SH2D4B: variants seen among roughly 807,000 people sequenced by gnomAD.
SH2D4B encodes the protein SH2 domain-containing protein 4B.
SH2D4B carries 45 observed loss-of-function variants against 61.5 expected under a neutral mutation model. The observed-to-expected ratio is 0.73, with a 90% CI of 0.58 to 0.94. SH2D4B has a LOEUF of 0.94. Among genes scored for constraint, SH2D4B ranks in the 40% least tolerant of loss-of-function variants. The pLI is 0.00. For missense variants in SH2D4B, 572 were observed against 574.2 expected (o/e 1.00, Z 0.04); for synonymous variants, 224 against 220.4 (o/e 1.02, Z -0.14).
chr10:80,619,059 GCTAT>G (rs1842688427), intron 6 of SH2D4B, among the ~76,000 whole-genome samples: 1 of 152,314 alleles, frequency 6.6e-6, no homozygotes, highest in South Asian at 2.1e-4. Context: ...AGTTGTTGGT[GCTAT>G]CTGAGAACAT....
chr10:80,619,481 G>A (rs961688827), intron 6 of SH2D4B, among the ~76,000 whole-genome samples: 3 of 152,194 alleles, frequency 2.0e-5, no homozygotes, highest in Non-Finnish European at 4.4e-5. Flanking sequence ...CTGCAGATGG[G>A]CCCAAATGTG....
intron 4 of SH2D4B, among the ~76,000 whole-genome samples, chr10:80,601,710 G>T (rs2132138331): frequency 6.6e-6 from 1 of 152,336 alleles, no homozygotes; most frequent in Non-Finnish European, 1.5e-5. Context: ...GAGATGTTCT[G>T]TTCCCAGAAA....
chr10:80,544,724 C>T (rs921944423), intron 1 of SH2D4B, among the ~76,000 whole-genome samples: 5 of 152,242 alleles, frequency 3.3e-5, no homozygotes, highest in African/African-American at 9.6e-5. Flanking sequence ...CCTGCCCACC[C>T]TACCTCAAGC....
chr10:80,627,844 A>G (rs552693179), intron 6 of SH2D4B, among the ~76,000 whole-genome samples: 17 of 152,204 alleles, frequency 1.1e-4, no homozygotes, highest in African/African-American at 3.6e-4. Context: ...CCTGGAAACT[A>G]TAGGAAAAAC....
intron 4 of SH2D4B, among the ~76,000 whole-genome samples, chr10:80,600,257 G>A (rs1184636018): frequency 6.6e-6 from 1 of 152,166 alleles, no homozygotes; most frequent in Non-Finnish European, 1.5e-5. Flanking sequence ...TTATAGGATG[G>A]TTCATTAATT....
intron 6 of SH2D4B, among the ~76,000 whole-genome samples, chr10:80,633,639 G>T (rs894160226): frequency 6.6e-6 from 1 of 152,178 alleles, no homozygotes; most frequent in African/African-American, 2.4e-5. Context: ...GCATATCAAC[G>T]ACTCCAAGGC....
At chr10:80,617,277 T>G (rs375398692) in intron 6 of SH2D4B, among the ~76,000 whole-genome samples, 6 of 152,352 alleles carry the variant, frequency 3.9e-5, no homozygotes, top group African/African-American at 1.2e-4. Flanking sequence ...CTCTGGGCTG[T>G]GGAGCCAACA....
intron 4 of SH2D4B, among the ~76,000 whole-genome samples, chr10:80,602,168 A>G (rs1322247083): frequency 6.6e-6 from 1 of 152,206 alleles, no homozygotes; most frequent in Non-Finnish European, 1.5e-5. Context: ...GGAGCACAAA[A>G]AGATGGAAGA....
chr10:80,577,717 C>T lies in SH2D4B; in HGVS notation c.495+6139C>T, dbSNP rs1016434233. ...CCGGGATTACAGGTGTGAGCCACAG[C>T]GCCCGGCCTTTTTTTTTTGTATTTT... On this transcript the variant is annotated intron_variant, in intron 3 of 7. Transcript: ENST00000646907. Among the ~76,000 whole-genome samples the T allele has an allele frequency of 5.9e-5, 9 of 151,820 alleles. No individual in the cohort carries two copies. In the South Asian group the frequency reaches 1.0e-3, roughly 18 times the overall value.
At chr10:80,554,739 G>A (rs886798671) in intron 1 of SH2D4B, among the ~76,000 whole-genome samples, 3 of 152,172 alleles carry the variant, frequency 2.0e-5, no homozygotes, top group African/African-American at 4.8e-5. Context: ...GCTGGGCGCG[G>A]TGGCTTACGC....
At chr10:80,631,298 GA>G (rs760009365) in intron 6 of SH2D4B, among the ~76,000 whole-genome samples, 18 of 152,204 alleles carry the variant, frequency 1.2e-4, no homozygotes, top group Non-Finnish European at 2.1e-4. Flanking sequence ...TTCCAGGCTA[GA>G]GTATAGTGGC....
Position 80,551,503 on chromosome 10 carries a change from G to A in SH2D4B, c.184+12988G>A, listed in dbSNP as rs578002290. The stretch of plus-strand genomic sequence containing the variant: ...ATAATGAAGTGCTCCAAATCAACTA[G>A]CAAAAGACAAACAACCAATAGAAAA... On this transcript the variant is annotated intron_variant, in intron 1 of 7. Transcript: ENST00000646907. Among the ~76,000 whole-genome samples, 9 of 152,024 alleles carry A rather than the reference G, an allele frequency of 5.9e-5. No individual in the cohort carries two copies. The East Asian group carries it at 1.7e-3, about 29-fold the overall frequency.
chr10:80,597,110 G>A (rs944704031), intron 4 of SH2D4B, among the ~76,000 whole-genome samples: 8 of 152,144 alleles, frequency 5.3e-5, no homozygotes, highest in African/African-American at 1.9e-4. Context: ...TAGGCTATAC[G>A]CAATCCCTAC....
chr10:80,616,432 G>A (rs1282869759), intron 6 of SH2D4B, among the ~76,000 whole-genome samples: 1 of 152,114 alleles, frequency 6.6e-6, no homozygotes, highest in African/African-American at 2.4e-5. Flanking sequence ...TTTTTCAGGT[G>A]TGCACTGGCT....
At chr10:80,570,985 C>G (rs750172325) in intron 2 of SH2D4B, among the ~76,000 whole-genome samples, 7 of 152,116 alleles carry the variant, frequency 4.6e-5, no homozygotes, top group Non-Finnish European at 8.8e-5. Flanking sequence ...AGTGATCCTC[C>G]CGCCTCAGCC....
intron 3 of SH2D4B, among the ~76,000 whole-genome samples, chr10:80,572,903 C>T (rs1018132336): frequency 1.5e-5 from 2 of 129,356 alleles, no homozygotes; most frequent in Non-Finnish European, 3.2e-5. Flanking sequence ...TGGGTGTGAG[C>T]CACTGCACCC....
Position 80,613,518 on chromosome 10 carries a change from T to C in SH2D4B, c.988+3967T>C, listed in dbSNP as rs1386286292. Among the ~76,000 whole-genome samples the C allele has an allele frequency of 7.2e-5, 11 of 152,364 alleles. No homozygotes were observed. The East Asian group carries it at 1.7e-3, about 24-fold the overall frequency. On this transcript the variant is annotated intron_variant, in intron 6 of 7. Coordinates refer to ENST00000646907, the MANE Select transcript of SH2D4B (RefSeq NM_001388272.1). ...CATAGGGCTTGGCACAGAATGGGAC[T>C]ACCCGGTGGGTGACATCATTGGCAT...
At position 80,538,546 on chromosome 10, in the gene SH2D4B, C is replaced by T. The variant is rs375616418; in HGVS notation, c.184+31C>T. ...TGGCTGGGAGTCACAGAGAGGTAGG[C>T]CACCAGTCCCCCAGGAGGTAGAAAA... On this transcript the variant is annotated intron_variant, in intron 1 of 7. Transcript: ENST00000646907. The surrounding 1 kb of genome is among the most constrained non-coding windows in gnomAD (Gnocchi z 4.8). 169 of 1,331,780 alleles carry T rather than the reference C, an allele frequency of 1.3e-4. 1 individual carries two copies. The highest frequency in any genetic ancestry group is 1.2e-4 in the Non-Finnish European group (129 of 1,032,244). The allele number at this position is 1,331,780 out of a possible 1,614,324, so 82.5% of individuals were successfully genotyped here.
At chr10:80,563,191 G>A (rs1004062707) in intron 1 of SH2D4B, among the ~76,000 whole-genome samples, 2 of 152,280 alleles carry the variant, frequency 1.3e-5, no homozygotes, top group South Asian at 2.1e-4. Flanking sequence ...GTGAGCCACC[G>A]CGCCCGGCCG....
Sources: gnomAD v4.1 joint callset for allele counts (sites outside exome capture counted in the v4.1 genomes callset) on GRCh38, gnomAD v4.1.1 for gene constraint, Gnocchi (gnomAD v3.1) non-coding constraint, MANE v1.5 for transcripts, NCBI Gene and HGNC (gene_info 2026-07-23, HGNC 2026-07-21) for gene names.